The following NAA11 variants were observed in gnomAD, a reference collection of about 807,000 sequenced individuals.
The protein encoded by NAA11 is N-alpha-acetyltransferase 11, NatA catalytic subunit.
Under a neutral mutation model 16.1 loss-of-function variants are expected in NAA11, and 15 were observed. That is an observed-to-expected ratio of 0.93 (90% CI 0.62 to 1.44). NAA11 has a LOEUF of 1.44. Among genes scored for constraint, NAA11 ranks in the 40% most tolerant of loss-of-function variants. The pLI is 0.00. For synonymous variants in NAA11, 122 were observed against 112.4 expected (o/e 1.09, Z -0.54); for missense variants, 298 against 291.3 (o/e 1.02, Z -0.17).
At chr4:79,229,255 GT>G (rs1721401956) in intron 2 of NAA11, among the ~76,000 whole-genome samples, 3 of 151,738 alleles carry the variant, frequency 2.0e-5, no homozygotes, top group Admixed American at 2.0e-4. Context: ...GGAGATATGA[GT>G]TGATATTCAT....
the NAA11 span, among the ~76,000 whole-genome samples, chr4:79,184,829 C>T: frequency 6.6e-6 from 1 of 152,156 alleles, no homozygotes; most frequent in Non-Finnish European, 1.5e-5. Context: ...CTATATAGCA[C>T]ATAGACACTG....
chr4:79,236,005 A>G (rs1386302102), intron 2 of NAA11, among the ~76,000 whole-genome samples: 1 of 152,058 alleles, frequency 6.6e-6, no homozygotes, highest in African/African-American at 2.4e-5. Context: ...CTAACCACTT[A>G]ATTTTTATCT....
At chr4:79,296,089 T>C (rs1578184111) in intron 1 of NAA11, among the ~76,000 whole-genome samples, 1 of 152,208 alleles carries the variant, frequency 6.6e-6, no homozygotes, top group African/African-American at 2.4e-5. Flanking sequence ...TTCTTCCTTC[T>C]GAAATTACTT....
chr4:79,241,233 C>T (rs1375438124), intron 2 of NAA11, among the ~76,000 whole-genome samples: 1 of 152,128 alleles, frequency 6.6e-6, no homozygotes, highest in Non-Finnish European at 1.5e-5. Context: ...TATATTTTCT[C>T]TTTCTTATGA....
chr4:79,193,006 T>G, the NAA11 span, among the ~76,000 whole-genome samples: 2 of 152,154 alleles, frequency 1.3e-5, no homozygotes, highest in Non-Finnish European at 2.9e-5. Context: ...TCATGTGTCT[T>G]TTGGCTGCAT....
chr4:79,214,144 T>A, the NAA11 span, among the ~76,000 whole-genome samples: 298 of 152,324 alleles, frequency 2.0e-3, no homozygotes, highest in African/African-American at 6.9e-3. Context: ...TTTATGGTGA[T>A]GACTTGCAAA....
At chr4:79,178,201 A>T in the NAA11 span, among the ~76,000 whole-genome samples, 6 of 152,180 alleles carry the variant, frequency 3.9e-5, no homozygotes, top group African/African-American at 1.4e-4. Context: ...TTTTGTCCAT[A>T]TTTAATGGTA....
the NAA11 span, among the ~76,000 whole-genome samples, chr4:79,156,329 G>A: frequency 0.087 from 12,963 of 149,194 alleles, 1,874 homozygotes; most frequent in African/African-American, 0.3. Context: ...GTGTGTGTGT[G>A]TATATATATA....
chr4:79,259,700 C>T (rs999197846), intron 2 of NAA11, among the ~76,000 whole-genome samples: 4 of 152,220 alleles, frequency 2.6e-5, no homozygotes, highest in African/African-American at 7.2e-5. Context: ...CATTAATTTG[C>T]ATCATATTAT....
chr4:79,324,853 T>C (rs1373298471), intron 1 of NAA11, among the ~76,000 whole-genome samples: 1 of 152,204 alleles, frequency 6.6e-6, no homozygotes, highest in Admixed American at 6.5e-5. Flanking sequence ...TATTACTAAC[T>C]GGAATTCCAT....
At chr4:79,260,015 T>A (rs1327250796) in intron 2 of NAA11, among the ~76,000 whole-genome samples, 1 of 152,238 alleles carries the variant, frequency 6.6e-6, no homozygotes, top group Non-Finnish European at 1.5e-5. Flanking sequence ...GACTCATGCT[T>A]AATTGTAGGC....
intron 2 of NAA11, among the ~76,000 whole-genome samples, chr4:79,250,040 G>T (rs928711695): frequency 2.0e-5 from 3 of 152,236 alleles, no homozygotes; most frequent in South Asian, 2.1e-4. Context: ...CAGAGCAAAG[G>T]GAGCTGTCAT....
chr4:79,193,541 T>C, the NAA11 span, among the ~76,000 whole-genome samples: 1 of 152,184 alleles, frequency 6.6e-6, no homozygotes, highest in African/African-American at 2.4e-5. Context: ...GTTGTAGATA[T>C]GCAGCATTAT....
chr4:79,310,889 G>T (rs927259880), intron 1 of NAA11, among the ~76,000 whole-genome samples: 6 of 152,158 alleles, frequency 3.9e-5, no homozygotes, highest in Non-Finnish European at 7.4e-5. Context: ...TGGGAGTGTG[G>T]CTTATTTTGA....
intron 2 of NAA11, among the ~76,000 whole-genome samples, chr4:79,262,103 C>T (rs1167242813): frequency 6.6e-6 from 1 of 151,976 alleles, no homozygotes; most frequent in South Asian, 2.1e-4. Context: ...TGGATTCGTA[C>T]CCAGTCTTTA....
At chr4:79,220,786 A>G (rs183320617), downstream of NAA11, among the ~76,000 whole-genome samples, 13 of 152,188 alleles carry the variant, frequency 8.5e-5, no homozygotes, top group Admixed American at 7.9e-4. Flanking sequence ...GCCTTGCAGT[A>G]TAGTTTGAAG....
the NAA11 span, among the ~76,000 whole-genome samples, chr4:79,213,069 G>T: frequency 6.6e-6 from 1 of 151,978 alleles, no homozygotes; most frequent in Admixed American, 6.6e-5. Context: ...CTTTTACATT[G>T]ATTCCAAGGT....
At chr4:79,161,104 T>C in the NAA11 span, among the ~76,000 whole-genome samples, 1 of 152,252 alleles carries the variant, frequency 6.6e-6, no homozygotes, top group African/African-American at 2.4e-5. Flanking sequence ...GAGGGTTTTC[T>C]TTTGTCTATG....
At chr4:79,309,703 T>G (rs1338270790) in intron 1 of NAA11, among the ~76,000 whole-genome samples, 3 of 102,390 alleles carry the variant, frequency 2.9e-5, no homozygotes, top group Admixed American at 9.4e-5. Flanking sequence ...CTATTGGTGT[T>G]TTTTTTTTTT....
Sources: allele counts gnomAD v4.1 joint callset (sites outside exome capture counted in the v4.1 genomes callset), GRCh38; gene constraint gnomAD v4.1.1; transcripts MANE v1.5; gene names NCBI Gene and HGNC (gene_info 2026-07-23, HGNC 2026-07-21).